The following FGF14 variants were observed in gnomAD, a reference collection of about 807,000 sequenced individuals.
The protein encoded by FGF14 is fibroblast growth factor homologous factor 4.
FGF14 carries 5 observed loss-of-function variants against 25.5 expected under a neutral mutation model. The observed-to-expected ratio is 0.20, with a 90% CI of 0.10 to 0.41. The LOEUF is 0.41. FGF14 is among the 10% of genes least tolerant of loss of function. The probability of loss-of-function intolerance (pLI) is 1.00; values close to 1 mark genes in which losing one functional copy is unlikely to be tolerated. For synonymous variants in FGF14, 138 were observed against 118.3 expected, an observed-to-expected ratio of 1.17 and a Z score of -1.08; for missense variants, 222 against 320.1, an observed-to-expected ratio of 0.69 and a Z score of 2.34.
At chr13:101,837,391 C>A (rs543417429) in intron 3 of FGF14, among the ~76,000 whole-genome samples, 2 of 152,114 alleles carry the variant, frequency 1.3e-5, no homozygotes, top group East Asian at 1.9e-4. Flanking sequence ...GGAATTGCTA[C>A]CTTAAGTCTC....
intron 1 of FGF14, among the ~76,000 whole-genome samples, chr13:102,308,558 T>C (rs1013516275): frequency 6.6e-6 from 1 of 152,116 alleles, no homozygotes; most frequent in African/African-American, 2.4e-5. Context: ...TAAAATTCAA[T>C]GCAATTATGT....
intron 1 of FGF14, among the ~76,000 whole-genome samples, chr13:102,229,799 G>A (rs2050995785): frequency 6.6e-6 from 1 of 152,204 alleles, no homozygotes; most frequent in African/African-American, 2.4e-5. Context: ...GACTAAAGGA[G>A]TTTTAATTCC....
chr13:102,166,492 G>A (rs1036578392), intron 1 of FGF14, among the ~76,000 whole-genome samples: 2 of 152,082 alleles, frequency 1.3e-5, no homozygotes, highest in African/African-American at 4.8e-5. Context: ...CTGCCTTCTT[G>A]TTTCAGCTCT....
At chr13:101,729,378 T>C (rs1328008953) in intron 3 of FGF14, among the ~76,000 whole-genome samples, 2 of 152,180 alleles carry the variant, frequency 1.3e-5, no homozygotes, top group Non-Finnish European at 2.9e-5. Context: ...ATAGAACCGA[T>C]AGAACCAATG....
chr13:102,321,011 G>T (rs1361462806), intron 1 of FGF14, among the ~76,000 whole-genome samples: 2 of 152,150 alleles, frequency 1.3e-5, no homozygotes, highest in Non-Finnish European at 2.9e-5. Flanking sequence ...AGCTGGTACA[G>T]TTCATACGTA....
chr13:101,722,737 G>T lies in FGF14; in HGVS notation c.*94C>A. The T allele has an allele frequency of 6.5e-7, 1 of 1,545,050 alleles. No individual in the cohort carries two copies. Among genetic ancestry groups the T allele is most frequent in the Non-Finnish European group, 8.9e-7 (1 of 1,120,352 alleles). On this transcript the variant is annotated 3_prime_UTR_variant, in exon 5 of 5. Coordinates refer to ENST00000376143, the MANE Select transcript of FGF14 (RefSeq NM_004115.4). ...AAGAATAAGCATTAGCTTACTTCCT[G>T]CTGCTCTTCAGCCACGGAGCAGGAA...
intron 1 of FGF14, among the ~76,000 whole-genome samples, chr13:102,041,511 T>C (rs1340480637): frequency 7.2e-6 from 1 of 138,688 alleles, no homozygotes; most frequent in South Asian, 2.4e-4. Context: ...TTTGATTTAA[T>C]GGTAAGTGAA....
intron 1 of FGF14, among the ~76,000 whole-genome samples, chr13:102,094,223 T>C (rs1461128570): frequency 1.6e-3 from 221 of 139,124 alleles, no homozygotes; most frequent in Middle Eastern, 8.9e-3. Flanking sequence ...AAAGGCATAT[T>C]TATAAACTCT....
intron 1 of FGF14, among the ~76,000 whole-genome samples, chr13:102,375,642 T>A (rs2058022709): frequency 6.6e-6 from 1 of 152,324 alleles, no homozygotes; most frequent in African/African-American, 2.4e-5. Flanking sequence ...TTAGTTCCTA[T>A]TTTAGGTTAT....
chr13:102,068,024 G>GA (rs2042976556), intron 1 of FGF14, among the ~76,000 whole-genome samples: 1 of 151,950 alleles, frequency 6.6e-6, no homozygotes, highest in Non-Finnish European at 1.5e-5. Flanking sequence ...AGTGCTGAAG[G>GA]AAAAAAATGT....
chr13:102,250,940 T>C (rs1377841845), intron 1 of FGF14, among the ~76,000 whole-genome samples: 1 of 152,224 alleles, frequency 6.6e-6, no homozygotes, highest in African/African-American at 2.4e-5. Flanking sequence ...AAATCTTTGC[T>C]TAGCTAACCT....
At chr13:102,181,455 G>A (rs186367516) in intron 1 of FGF14, among the ~76,000 whole-genome samples, 1 of 152,148 alleles carries the variant, frequency 6.6e-6, no homozygotes, top group Non-Finnish European at 1.5e-5. Context: ...GGGTTTTGTA[G>A]ATGTTATCAA....
intron 1 of FGF14, among the ~76,000 whole-genome samples, chr13:102,365,769 G>A (rs1260740883): frequency 2.0e-5 from 3 of 151,816 alleles, no homozygotes; most frequent in Non-Finnish European, 4.4e-5. Context: ...TATAATTATA[G>A]TTATATATAG....
At chr13:102,131,425 C>T (rs1372878561) in intron 1 of FGF14, among the ~76,000 whole-genome samples, 2 of 151,986 alleles carry the variant, frequency 1.3e-5, no homozygotes, top group Non-Finnish European at 2.9e-5. Flanking sequence ...TGTGATGTGG[C>T]TTCCTTCCTG....
chr13:102,391,875 C>G (rs1566982804), intron 1 of FGF14, among the ~76,000 whole-genome samples: 1 of 152,198 alleles, frequency 6.6e-6, no homozygotes, highest in Non-Finnish European at 1.5e-5. Flanking sequence ...GTTACAACAC[C>G]TGGTATACAG....
intron 1 of FGF14, among the ~76,000 whole-genome samples, chr13:102,090,484 T>C (rs1377690949): frequency 1.3e-5 from 2 of 152,226 alleles, no homozygotes; most frequent in Admixed American, 1.3e-4. Flanking sequence ...GGAAATGTTG[T>C]GTTTACAACC....
At chr13:102,278,649 T>C (rs116060436) in intron 1 of FGF14, among the ~76,000 whole-genome samples, 2 of 149,198 alleles carry the variant, frequency 1.3e-5, no homozygotes, top group African/African-American at 5.1e-5. Flanking sequence ...TATATATACA[T>C]ACACACACAT....
chr13:102,186,909 A>C lies in FGF14; in HGVS notation c.208+214562T>G, dbSNP rs555508807. On this transcript the variant is annotated intron_variant, in intron 1 of 4. Transcript: ENST00000376131. ...ATGTAGTGCACATACAGGCTCACAC[A>C]TAAGTTACATACACAGCACACACAG... Among the ~76,000 whole-genome samples, 5 of 152,330 alleles carry C rather than the reference A, an allele frequency of 3.3e-5. No individual in the cohort carries two copies. The East Asian group carries it at 9.6e-4, about 29-fold the overall frequency.
intron 1 of FGF14, among the ~76,000 whole-genome samples, chr13:102,253,711 C>G (rs1393726901): frequency 6.6e-6 from 1 of 152,066 alleles, no homozygotes; most frequent in Non-Finnish European, 1.5e-5. Flanking sequence ...TGTACTCTTA[C>G]TCTTTATGGG....
Sources: allele counts gnomAD v4.1 joint callset (sites outside exome capture counted in the v4.1 genomes callset), GRCh38; gene constraint gnomAD v4.1.1; transcripts MANE v1.5; gene names NCBI Gene and HGNC (gene_info 2026-07-23, HGNC 2026-07-21).